PROSER2: variants seen among roughly 807,000 people sequenced by gnomAD.
PROSER2 encodes proline and serine-rich protein 2.
In PROSER2, 18 loss-of-function variants were observed where a neutral mutation model predicts 14.6. The ratio of observed to expected loss-of-function variants is 1.23; its 90% CI spans 0.85 to 1.83. The LOEUF (loss-of-function observed/expected upper bound fraction) is 1.83. Ranked by LOEUF, PROSER2 falls within the 40% of genes most tolerant of loss-of-function variation. PROSER2 has a pLI of 0.00. For missense variants in PROSER2, 823 were observed against 629.8 expected (o/e 1.31, Z -3.28); for synonymous variants, 367 against 286.4 (o/e 1.28, Z -2.84).
rs1833781033 is a variant in PROSER2 at position 11,837,713 on chromosome 10, G to C, written c.-82+14243G>C. On this transcript the variant is annotated intron_variant, in intron 1 of 3. Transcript: ENST00000277570. This position sits in a 1 kb window ranked among gnomAD's most constrained non-coding sequence, Gnocchi z 4.6. ...TTGAAGCTGTCTGTAGGGAATCCAAGTCTTATAAGACACGATTTCTTTCCC... is the reference window on the plus strand; with the variant it reads ...TTGAAGCTGTCTGTAGGGAATCCAACTCTTATAAGACACGATTTCTTTCCC... 6.6e-6 allele frequency among the ~76,000 whole-genome samples: 1 copy of C among 152,184 alleles called. No homozygotes were observed. Among genetic ancestry groups the C allele is most frequent in the Non-Finnish European group, 1.5e-5 (1 of 68,036 alleles).
Position 11,869,857 on chromosome 10 carries a change from C to T in PROSER2, c.759C>T (p.Phe253=), listed in dbSNP as rs763071193. 4.4e-6 allele frequency: 7 copies of T among 1,592,590 alleles called. No homozygotes were observed. The African/African-American group carries it at 6.7e-5, about 15-fold the overall frequency. Residue 253 remains phenylalanine (F), a synonymous_variant, in exon 4 of 4, where the codon TTC becomes TTT. Coordinates refer to ENST00000277570, the MANE Select transcript of PROSER2 (RefSeq NM_153256.4). The surrounding 1 kb of genome is among the most constrained non-coding windows in gnomAD (Gnocchi z 4.4). The part of the protein sequence containing the change: ...SHPAQPKAPR[F]PSNIIVTNGA... Reference sequence around the variant, plus strand: ...CGGCGCAGCCCAAGGCACCCCGCTTCCCCAGCAACATCATCGTCACCAACG... The same window carrying T: ...CGGCGCAGCCCAAGGCACCCCGCTTTCCCAGCAACATCATCGTCACCAACG...
chr10:11,855,182 A>G (rs1834100980), intron 2 of PROSER2, among the ~76,000 whole-genome samples: 1 of 151,002 alleles, frequency 6.6e-6, no homozygotes, highest in Non-Finnish European at 1.5e-5. Context: ...TTATTCTTAA[A>G]AGAAGATAAG....
chr10:11,861,734 G>C (rs1834242850), intron 2 of PROSER2, among the ~76,000 whole-genome samples: 1 of 152,164 alleles, frequency 6.6e-6, no homozygotes, highest in Non-Finnish European at 1.5e-5. Context: ...TGGTAGAGTT[G>C]AGAAGCTGCT....
chr10:11,844,030 C>T (rs1833889159), intron 1 of PROSER2, among the ~76,000 whole-genome samples: 1 of 151,948 alleles, frequency 6.6e-6, no homozygotes, highest in South Asian at 2.1e-4. Flanking sequence ...TTTGCCCTGC[C>T]CCCTAGGCTG....
intron 1 of PROSER2, among the ~76,000 whole-genome samples, chr10:11,833,880 G>A (rs1404686087): frequency 3.3e-5 from 5 of 151,774 alleles, no homozygotes; most frequent in South Asian, 4.2e-4. Context: ...AAGGAGTCAC[G>A]AAGGCTTGAC....
chr10:11,851,529 A>G (rs1188010296), intron 1 of PROSER2: 2 of 152,278 alleles, frequency 1.3e-5, no homozygotes, highest in Non-Finnish European at 2.9e-5. Context: ...AAAGCCAGGA[A>G]GAGCCTGAGT....
Position 11,862,774 on chromosome 10 carries a change from A to G in PROSER2, c.139-3757A>G, listed in dbSNP as rs1413571301. ...AATATTTCAAAATGTGAAAAAATCC[A>G]GAACACTTCTTATCCCAAACATTTC... On this transcript the variant is annotated intron_variant, in intron 2 of 3. Transcript: ENST00000277570. The surrounding 1 kb of genome is among the most constrained non-coding windows in gnomAD (Gnocchi z 4.2). 2 of 152,228 alleles carry G rather than the reference A, an allele frequency of 1.3e-5. No individual in the cohort carries two copies. The highest frequency in any genetic ancestry group is 2.9e-5 in the Non-Finnish European group (2 of 68,038). 9.4% of individuals were successfully genotyped at this position (152,228 alleles called of 1,614,324 possible).
In PROSER2 at chr10:11,870,043, GGTGGCGC is replaced by G. The variant is rs1361818341; in HGVS notation, c.951_957del (p.Arg318GlyfsTer33). 3.2e-6 allele frequency: 4 copies of G among 1,236,230 alleles called. No homozygotes were observed. The highest frequency in any genetic ancestry group is 4.0e-6 in the Non-Finnish European group (4 of 990,358). 76.6% of individuals were successfully genotyped at this position (1,236,230 alleles called of 1,614,324 possible). On this transcript the variant is annotated frameshift_variant, in exon 4 of 4. Transcript: ENST00000277570. LOFTEE classifies it low-confidence loss of function (END_TRUNC). ...CAGGGGGCGGCTCCTCCCCGGAGCG[GGTGGCGC>G]GTGGCCGGGGCCTGCCGGGCCCCGC...
In PROSER2 at chr10:11,830,174, A is replaced by T. The variant is rs2131045870; in HGVS notation, c.-82+6704A>T. ...GCAGTTTTTCAGCCCTCCTCTCCCC[A>T]CTCCATGGACCTTCCCACCTTTTGG... On this transcript the variant is annotated intron_variant, in intron 1 of 3. Transcript: ENST00000277570. This position sits in a 1 kb window ranked among gnomAD's most constrained non-coding sequence, Gnocchi z 4.5. Among the ~76,000 whole-genome samples the T allele has an allele frequency of 6.6e-6, 1 of 150,482 alleles. No individual in the cohort carries two copies. The highest frequency in any genetic ancestry group is 2.0e-4 in the East Asian group (1 of 5,098).
chr10:11,834,857 A>G (rs1372944043), intron 1 of PROSER2, among the ~76,000 whole-genome samples: 3 of 152,094 alleles, frequency 2.0e-5, no homozygotes, highest in Non-Finnish European at 4.4e-5. Flanking sequence ...AATCAATCCC[A>G]GCACTTTGTG....
intron 2 of PROSER2, among the ~76,000 whole-genome samples, chr10:11,858,269 G>T (rs982516700): frequency 6.6e-6 from 1 of 152,172 alleles, no homozygotes; most frequent in African/African-American, 2.4e-5. Flanking sequence ...TTCAGTACAC[G>T]TATTTTAAGC....
intron 1 of PROSER2, among the ~76,000 whole-genome samples, chr10:11,826,879 C>CTT (rs780415085): frequency 5.3e-4 from 56 of 105,166 alleles, no homozygotes; most frequent in African/African-American, 6.5e-4. Flanking sequence ...TGCACCCGGC[C>CTT]TTTTTTTTTT....
At chr10:11,844,219 C>A (rs1008717061) in intron 1 of PROSER2, among the ~76,000 whole-genome samples, 1 of 151,972 alleles carries the variant, frequency 6.6e-6, no homozygotes, top group Non-Finnish European at 1.5e-5. Flanking sequence ...CTTGAACTCC[C>A]AACCTCAAGA....
Position 11,870,569 on chromosome 10 carries a change from G to A in PROSER2, c.*163G>A, listed in dbSNP as rs1588503800. ...AGAGGTGCCTGGCTGGGGCCTCCTG[G>A]CTGAGCACGCACCGCAAGCTCCAGC... On this transcript the variant is annotated 3_prime_UTR_variant, in exon 4 of 4. Transcript: ENST00000277570. 1.3e-5 allele frequency: 7 copies of A among 549,904 alleles called. No individual in the cohort carries two copies. Among genetic ancestry groups the A allele is most frequent in the African/African-American group, 1.0e-4 (5 of 49,948 alleles). The allele number at this position is 549,904 out of a possible 1,614,324, so 34.1% of individuals were successfully genotyped here. A position where few individuals can be genotyped will look rare whatever the true frequency, so the allele number is the denominator to read the frequency against.
At position 11,869,993 on chromosome 10, in the gene PROSER2, G is replaced by T; in HGVS notation, c.895G>T (p.Ala299Ser). 1 of 1,267,312 alleles carries T rather than the reference G, an allele frequency of 7.9e-7. No homozygotes were observed. Among genetic ancestry groups the T allele is most frequent in the Non-Finnish European group, 9.9e-7 (1 of 1,009,284 alleles). 78.5% of individuals were successfully genotyped at this position (1,267,312 alleles called of 1,614,324 possible). ...IHGHAGAFPA[A>S]GDAGEGAPGG... Reference sequence around the variant, plus strand: ...CGGCCACGCCGGCGCCTTCCCCGCCGCGGGGGACGCCGGCGAGGGGGCCCC... The same window carrying T: ...CGGCCACGCCGGCGCCTTCCCCGCCTCGGGGGACGCCGGCGAGGGGGCCCC... The change falls in exon 4 of 4, where the codon GCG (alanine) becomes TCG (serine). Residue 299 changes from alanine (A) to serine (S), a missense_variant. Physicochemically the swap from Ala to Ser is moderately conservative, Grantham distance 99. Coordinates refer to ENST00000277570, the MANE Select transcript of PROSER2 (RefSeq NM_153256.4). The surrounding 1 kb of genome is among the most constrained non-coding windows in gnomAD (Gnocchi z 4.4).
At chr10:11,828,256 CA>C (rs1384081013) in intron 1 of PROSER2, among the ~76,000 whole-genome samples, 2 of 146,012 alleles carry the variant, frequency 1.4e-5, no homozygotes, top group Non-Finnish European at 3.0e-5. Context: ...GGGGGTATTT[CA>C]AACCATTTAG....
At chr10:11,847,522 A>G (rs1282331071) in intron 1 of PROSER2, among the ~76,000 whole-genome samples, 1 of 152,144 alleles carries the variant, frequency 6.6e-6, no homozygotes, top group Non-Finnish European at 1.5e-5. Context: ...TATTCAAACA[A>G]TTCTCCTGCC....
Position 11,856,006 on chromosome 10 carries a change from G to T in PROSER2, c.138+3791G>T, listed in dbSNP as rs367861224. Among the ~76,000 whole-genome samples the T allele has an allele frequency of 9.8e-5, 15 of 152,306 alleles. No homozygotes were observed. The highest frequency in any genetic ancestry group is 3.6e-4 in the African/African-American group (15 of 41,562). On this transcript the variant is annotated intron_variant, in intron 2 of 3. Coordinates refer to ENST00000277570, the MANE Select transcript of PROSER2 (RefSeq NM_153256.4). This position sits in a 1 kb window ranked among gnomAD's most constrained non-coding sequence, Gnocchi z 5.3. ...GGTATAGGTAGAACTAGAATGAGTTGTCCAAATCCTAGAATATGTGGCTAC... is the reference window on the plus strand; with the variant it reads ...GGTATAGGTAGAACTAGAATGAGTTTTCCAAATCCTAGAATATGTGGCTAC...
At chr10:11,825,893 A>G (rs1833605367) in intron 1 of PROSER2, among the ~76,000 whole-genome samples, 1 of 152,314 alleles carries the variant, frequency 6.6e-6, no homozygotes, top group South Asian at 2.1e-4. Context: ...AATACATAGA[A>G]CATAAAATTT....
Sources: gnomAD v4.1 joint callset for allele counts (sites outside exome capture counted in the v4.1 genomes callset) on GRCh38, gnomAD v4.1.1 for gene constraint, Gnocchi (gnomAD v3.1) non-coding constraint, MANE v1.5 for transcripts, NCBI Gene and HGNC (gene_info 2026-07-23, HGNC 2026-07-21) for gene names.